Variants in RCAN2 observed in about 807,000 individuals in gnomAD.
The protein encoded by RCAN2 is calcipressin-2.
Under a neutral mutation model 23.6 loss-of-function variants are expected in RCAN2, and 9 were observed. The observed-to-expected ratio is 0.38, with a 90% CI of 0.23 to 0.67. RCAN2 has a LOEUF of 0.67. Ranked by LOEUF, RCAN2 falls within the 30% of genes least tolerant of loss-of-function variation. The pLI is 0.51. For missense variants in RCAN2, 273 were observed against 302.3 expected, an observed-to-expected ratio of 0.90 and a Z score of 0.72; for synonymous variants, 109 against 115.7, an observed-to-expected ratio of 0.94 and a Z score of 0.37.
chr6:46,224,921 T>A (rs377322079), intron 4 of RCAN2, among the ~76,000 whole-genome samples: 1 of 151,370 alleles, frequency 6.6e-6, no homozygotes, highest in Non-Finnish European at 1.5e-5. Flanking sequence ...CCTAATGCTA[T>A]CCCTCCCCCC....
chr6:46,485,202 T>C (rs866366772), intron 1 of RCAN2, among the ~76,000 whole-genome samples: 9 of 152,258 alleles, frequency 5.9e-5, no homozygotes, highest in Middle Eastern at 6.8e-3. Flanking sequence ...TGTTCAACAA[T>C]AGAGGAAAGC....
chr6:46,239,233 G>T (rs939828847), intron 4 of RCAN2, among the ~76,000 whole-genome samples: 1 of 152,208 alleles, frequency 6.6e-6, no homozygotes, highest in African/African-American at 2.4e-5. Flanking sequence ...ATAGCTATTT[G>T]GTAGCTGCCT....
intron 1 of RCAN2, among the ~76,000 whole-genome samples, chr6:46,475,120 T>C (rs764575982): frequency 6.6e-6 from 1 of 152,206 alleles, no homozygotes; most frequent in Non-Finnish European, 1.5e-5. Flanking sequence ...CAGCTGTTGA[T>C]TCCTGGTCAC....
intron 2 of RCAN2, among the ~76,000 whole-genome samples, chr6:46,310,114 C>T (rs886452491): frequency 2.0e-5 from 3 of 152,036 alleles, no homozygotes; most frequent in Admixed American, 6.6e-5. Flanking sequence ...AATTCATACC[C>T]GGTTCTTAAA....
At chr6:46,270,488 G>A (rs536568876) in intron 2 of RCAN2, among the ~76,000 whole-genome samples, 7 of 152,258 alleles carry the variant, frequency 4.6e-5, no homozygotes, top group East Asian at 1.9e-4. Flanking sequence ...TGAGCTTCTC[G>A]TCAACCAGTG....
chr6:46,260,595 G>A (rs1039198784), intron 2 of RCAN2, among the ~76,000 whole-genome samples: 1 of 152,162 alleles, frequency 6.6e-6, no homozygotes, highest in African/African-American at 2.4e-5. Context: ...TTGTTGTTCT[G>A]ACTCCATGCA....
Position 46,307,168 on chromosome 6 carries a change from G to A in RCAN2, c.226-58272C>T, listed in dbSNP as rs559979006. Among the ~76,000 whole-genome samples the A allele has an allele frequency of 8.6e-4, 131 of 152,242 alleles. No homozygotes were observed. The Middle Eastern group carries it at 0.01, about 12-fold the overall frequency. Reference sequence around the variant, plus strand: ...AATTAAATATTGAGCACTATGCCAGGCACTGTGCTGGGTGCTGGGGAAACA... The same window carrying A: ...AATTAAATATTGAGCACTATGCCAGACACTGTGCTGGGTGCTGGGGAAACA... On this transcript the variant is annotated intron_variant, in intron 2 of 4. Transcript: ENST00000371374.
At chr6:46,260,698 G>A (rs951045140) in intron 2 of RCAN2, among the ~76,000 whole-genome samples, 9 of 152,126 alleles carry the variant, frequency 5.9e-5, no homozygotes, top group African/African-American at 2.2e-4. Flanking sequence ...TATGGAGCCC[G>A]GCTATGCCAA....
intron 2 of RCAN2, among the ~76,000 whole-genome samples, chr6:46,364,490 G>A (rs1476018001): frequency 6.6e-6 from 1 of 152,000 alleles, no homozygotes; most frequent in African/African-American, 2.4e-5. Context: ...ATACTACCTA[G>A]CCTGTGGGTA....
intron 2 of RCAN2, among the ~76,000 whole-genome samples, chr6:46,296,101 G>GTA (rs1399814601): frequency 1.8e-4 from 27 of 150,118 alleles, no homozygotes; most frequent in Non-Finnish European, 3.5e-4. Flanking sequence ...GTGTGTGTGT[G>GTA]TGTCTGTGTG....
intron 1 of RCAN2, among the ~76,000 whole-genome samples, chr6:46,473,399 G>A (rs1768623534): frequency 6.6e-6 from 1 of 151,990 alleles, no homozygotes; most frequent in Non-Finnish European, 1.5e-5. Flanking sequence ...TAGGCATTCA[G>A]TAAATGTCTA....
intron 2 of RCAN2, among the ~76,000 whole-genome samples, chr6:46,279,867 T>G (rs1171902845): frequency 2.0e-5 from 3 of 152,230 alleles, no homozygotes; most frequent in African/African-American, 7.2e-5. Context: ...AAGATGTGTC[T>G]GATGAATAGT....
chr6:46,253,563 G>A (rs1223790240), intron 2 of RCAN2, among the ~76,000 whole-genome samples: 1 of 152,082 alleles, frequency 6.6e-6, no homozygotes, highest in Non-Finnish European at 1.5e-5. Flanking sequence ...ATATTACAAA[G>A]GTATGTGCTT....
intron 1 of RCAN2, among the ~76,000 whole-genome samples, chr6:46,490,781 C>CG (rs397787087): frequency 6.6e-6 from 1 of 151,948 alleles, no homozygotes; most frequent in Admixed American, 6.6e-5. Flanking sequence ...CTTCTAGACC[C>CG]TCTCTAAGCC....
intron 2 of RCAN2, among the ~76,000 whole-genome samples, chr6:46,368,757 G>A (rs1269485015): frequency 6.6e-6 from 1 of 152,152 alleles, no homozygotes; most frequent in East Asian, 1.9e-4. Flanking sequence ...TTTTAGGGCT[G>A]GGAGTTGCCC....
chr6:46,257,474 G>A (rs920126027), intron 2 of RCAN2, among the ~76,000 whole-genome samples: 3 of 152,174 alleles, frequency 2.0e-5, no homozygotes, highest in Non-Finnish European at 4.4e-5. Flanking sequence ...CATGGCTGGG[G>A]AGGTTGCAGA....
chr6:46,491,224 G>T lies in RCAN2; in HGVS notation c.-54C>A. On this transcript the variant is annotated 5_prime_UTR_variant, in exon 1 of 5. Transcript: ENST00000371374. ...GGAGGCGGAGGCGGAGGCGGCGGCT[G>T]GGGCGTCTACGGGGGCCAGCTGCTA... 1 of 151,976 alleles carries T rather than the reference G, an allele frequency of 6.6e-6. No individual in the cohort carries two copies. Among genetic ancestry groups the T allele is most frequent in the South Asian group, 1.9e-4 (1 of 5,290 alleles). 9.4% of individuals were successfully genotyped at this position (151,976 alleles called of 1,614,324 possible).
intron 2 of RCAN2, among the ~76,000 whole-genome samples, chr6:46,418,465 T>TA (rs1184969156): frequency 2.6e-5 from 4 of 151,912 alleles, no homozygotes; most frequent in African/African-American, 9.7e-5. Context: ...CACCCCTCCT[T>TA]ACAATCAGTG....
rs1266638617 is a variant in RCAN2, at chr6:46,292,222, C to T, written c.226-43326G>A. On this transcript the variant is annotated intron_variant, in intron 2 of 4. Transcript: ENST00000371374. The stretch of plus-strand genomic sequence containing the variant: ...GGGAAGGGTGTGACAATTGATAAAA[C>T]TTAGCTAACTCTACTTGAGAGATTA... Among the ~76,000 whole-genome samples the T allele has an allele frequency of 2.6e-5, 4 of 152,248 alleles. No homozygotes were observed. The South Asian group carries it at 8.3e-4, about 32-fold the overall frequency.
Sources: allele counts gnomAD v4.1 joint callset (sites outside exome capture counted in the v4.1 genomes callset), GRCh38; gene constraint gnomAD v4.1.1; transcripts MANE v1.5; gene names NCBI Gene and HGNC (gene_info 2026-07-23, HGNC 2026-07-21).